Variants in CSMD1 observed in about 807,000 individuals in gnomAD.
CSMD1 encodes CUB and Sushi multiple domains 1.
In CSMD1, 213 loss-of-function variants were observed where a neutral mutation model predicts 417.5. The ratio of observed to expected loss-of-function variants is 0.51; its 90% CI spans 0.46 to 0.57. CSMD1 has a LOEUF of 0.57. CSMD1 is among the 20% of genes least tolerant of loss of function. The pLI is 0.00. For synonymous variants in CSMD1, 2,862 were observed against 1,736.8 expected (o/e 1.65, Z -16.11); for missense variants, 6,923 against 4,529.7 (o/e 1.53, Z -15.17).
intron 5 of CSMD1, among the ~76,000 whole-genome samples, chr8:3,944,986 A>C (rs998871237): frequency 6.6e-6 from 1 of 152,154 alleles, no homozygotes; most frequent in Non-Finnish European, 1.5e-5. Context: ...TTATCCATCT[A>C]ATGCGGTTCA....
chr8:4,055,228 A>T (rs1798631076), intron 3 of CSMD1, among the ~76,000 whole-genome samples: 1 of 152,208 alleles, frequency 6.6e-6, no homozygotes, highest in Non-Finnish European at 1.5e-5. Context: ...AACCATTTTG[A>T]GACAATAGGA....
chr8:4,102,905 C>G (rs181766488), intron 3 of CSMD1, among the ~76,000 whole-genome samples: 1 of 152,144 alleles, frequency 6.6e-6, no homozygotes, highest in Admixed American at 6.6e-5. Context: ...TAGCAAAGTG[C>G]TGAGTGCTGG....
intron 1 of CSMD1, among the ~76,000 whole-genome samples, chr8:4,967,445 G>C (rs1439108180): frequency 6.6e-6 from 1 of 152,132 alleles, no homozygotes; most frequent in Non-Finnish European, 1.5e-5. Flanking sequence ...TAAGGTAAGA[G>C]ATGTTAAGTC....
chr8:3,279,625 A>C (rs537944063), intron 26 of CSMD1, among the ~76,000 whole-genome samples: 18 of 152,156 alleles, frequency 1.2e-4, no homozygotes, highest in Non-Finnish European at 2.9e-5. Context: ...GCTAATAAAA[A>C]CATACCTGAG....
intron 7 of CSMD1, among the ~76,000 whole-genome samples, chr8:3,661,891 G>A (rs558946703): frequency 6.6e-6 from 1 of 152,254 alleles, no homozygotes; most frequent in South Asian, 2.1e-4. Flanking sequence ...GATTTGTACA[G>A]GAAGATGGAA....
chr8:3,064,985 G>C (rs904045894), intron 49 of CSMD1, among the ~76,000 whole-genome samples: 19 of 152,142 alleles, frequency 1.2e-4, no homozygotes, highest in African/African-American at 4.6e-4. Flanking sequence ...TGTGCACTGG[G>C]AAACATGGCT....
chr8:3,832,105 T>C (rs1802413015), intron 5 of CSMD1, among the ~76,000 whole-genome samples: 1 of 152,176 alleles, frequency 6.6e-6, no homozygotes, highest in African/African-American at 2.4e-5. Context: ...CTGCCTTATG[T>C]GCATGTGGGC....
At chr8:4,982,796 C>T (rs908545785) in intron 1 of CSMD1, among the ~76,000 whole-genome samples, 2 of 152,110 alleles carry the variant, frequency 1.3e-5, no homozygotes, top group Non-Finnish European at 2.9e-5. Context: ...CTTTCAGTTC[C>T]GTAGACGCCT....
chr8:4,331,117 T>C (rs1399062292), intron 3 of CSMD1, among the ~76,000 whole-genome samples: 1 of 152,172 alleles, frequency 6.6e-6, no homozygotes, highest in Non-Finnish European at 1.5e-5. Context: ...AATGAAAATA[T>C]ATTTCCCGAA....
intron 5 of CSMD1, among the ~76,000 whole-genome samples, chr8:3,975,179 T>G (rs76654168): frequency 0.016 from 2,370 of 152,334 alleles, 57 homozygotes; most frequent in African/African-American, 0.054. Context: ...ATGATTTTCA[T>G]TCAGCATCCT....
intron 12 of CSMD1, among the ~76,000 whole-genome samples, chr8:3,459,070 T>C (rs1816332322): frequency 6.6e-6 from 1 of 152,006 alleles, no homozygotes; most frequent in African/African-American, 2.4e-5. Context: ...TGAGCGCCAG[T>C]GTGGGGGAGA....
At chr8:3,133,086 C>A (rs1817882162) in intron 41 of CSMD1, among the ~76,000 whole-genome samples, 1 of 152,334 alleles carries the variant, frequency 6.6e-6, no homozygotes, top group African/African-American at 2.4e-5. Flanking sequence ...TCTGCGTGAG[C>A]CTGCATCCTT....
At chr8:4,094,371 G>C (rs1800888796) in intron 3 of CSMD1, among the ~76,000 whole-genome samples, 2 of 152,144 alleles carry the variant, frequency 1.3e-5, no homozygotes, top group African/African-American at 2.4e-5. Context: ...ACAGAGGAAA[G>C]AGTGGGTCAT....
chr8:4,916,224 T>C (rs1285744646), intron 1 of CSMD1, among the ~76,000 whole-genome samples: 1 of 152,170 alleles, frequency 6.6e-6, no homozygotes, highest in African/African-American at 2.4e-5. Context: ...ATGACCACAA[T>C]TATAAAACTA....
intron 3 of CSMD1, among the ~76,000 whole-genome samples, chr8:4,206,119 G>A (rs1799962551): frequency 6.6e-6 from 1 of 152,102 alleles, no homozygotes. Flanking sequence ...CAGGGAAAAG[G>A]ATAGGGAGGG....
In CSMD1 at chr8:4,617,021, T is replaced by C. The variant is rs539920968; in HGVS notation, c.302+20321A>G. Among the ~76,000 whole-genome samples, 16 of 152,238 alleles carry C rather than the reference T, an allele frequency of 1.1e-4. No homozygotes were observed. The South Asian group carries it at 2.9e-3, about 28-fold the overall frequency. ...TTCCATAAGTGATTTCTAACATGTT[T>C]CTAAAATTTTATTAATTGATGATAG... On this transcript the variant is annotated intron_variant, in intron 2 of 69. Coordinates refer to ENST00000635120, the MANE Select transcript of CSMD1 (RefSeq NM_033225.6).
At chr8:4,754,963 CCT>C (rs1195984878) in intron 1 of CSMD1, among the ~76,000 whole-genome samples, 2 of 151,952 alleles carry the variant, frequency 1.3e-5, no homozygotes, top group Non-Finnish European at 2.9e-5. Flanking sequence ...ATAGTGAAAC[CCT>C]GTCTCTACTA....
intron 2 of CSMD1, among the ~76,000 whole-genome samples, chr8:4,448,973 G>A (rs570292612): frequency 2.0e-5 from 3 of 152,120 alleles, no homozygotes; most frequent in Non-Finnish European, 2.9e-5. Context: ...TGGATCCTAA[G>A]GTACAAATGG....
intron 7 of CSMD1, among the ~76,000 whole-genome samples, chr8:3,705,146 C>A (rs1466625549): frequency 1.3e-5 from 2 of 152,180 alleles, no homozygotes; most frequent in Non-Finnish European, 2.9e-5. Flanking sequence ...GGGACACCAC[C>A]AGGGACAGGG....
Sources: allele counts gnomAD v4.1 joint callset (sites outside exome capture counted in the v4.1 genomes callset), GRCh38; gene constraint gnomAD v4.1.1; transcripts MANE v1.5; gene names NCBI Gene and HGNC (gene_info 2026-07-23, HGNC 2026-07-21).